The following DLG2 variants were observed in gnomAD, a reference collection of about 807,000 sequenced individuals.
DLG2 encodes disks large homolog 2.
A neutral mutation model predicts 132.5 loss-of-function variants in DLG2; 45 were observed. That is an observed-to-expected ratio of 0.34 (90% CI 0.27 to 0.44). DLG2 has a LOEUF of 0.44. Among genes scored for constraint, DLG2 ranks in the 20% least tolerant of loss-of-function variants. The probability of loss-of-function intolerance (pLI) is 1.00; values close to 1 mark genes in which losing one functional copy is unlikely to be tolerated. For missense variants in DLG2, 1,045 were observed against 1,196.9 expected (o/e 0.87, Z 1.87); for synonymous variants, 424 against 419.6 (o/e 1.01, Z -0.13).
intron 3 of DLG2, among the ~76,000 whole-genome samples, chr11:85,356,080 A>T (rs1017856770): frequency 6.6e-6 from 1 of 152,188 alleles, no homozygotes; most frequent in Non-Finnish European, 1.5e-5. Context: ...CTATCCATTT[A>T]ATCAGATTAA....
intron 6 of DLG2, among the ~76,000 whole-genome samples, chr11:84,976,430 T>C (rs916149245): frequency 2.6e-5 from 4 of 152,170 alleles, no homozygotes; most frequent in Admixed American, 6.6e-5. Context: ...GTACTTGTGA[T>C]AATAAATCAT....
intron 16 of DLG2, among the ~76,000 whole-genome samples, chr11:83,857,893 G>C (rs1374596552): frequency 1.3e-5 from 2 of 151,190 alleles, no homozygotes; most frequent in Non-Finnish European, 2.9e-5. Context: ...ATGAATACAA[G>C]TTCTCTTTGC....
rs1408811276 is a variant in DLG2, at chr11:85,050,061, G to C, written c.357+61600C>G. ...CTTTCCAATTGTCAGAACCCACAATGCTTACATTCTGAAGGAACTCCAACC... is the reference window on the plus strand; with the variant it reads ...CTTTCCAATTGTCAGAACCCACAATCCTTACATTCTGAAGGAACTCCAACC... On this transcript the variant is annotated intron_variant, in intron 6 of 27. Transcript: ENST00000376104. Among the ~76,000 whole-genome samples, 4 of 149,676 alleles carry C rather than the reference G, an allele frequency of 2.7e-5. No individual in the cohort carries two copies. In the Admixed American group the frequency reaches 2.7e-4, roughly 10 times the overall value.
chr11:85,313,764 TG>T (rs1236914907), intron 3 of DLG2, among the ~76,000 whole-genome samples: 7 of 151,976 alleles, frequency 4.6e-5, no homozygotes, highest in Admixed American at 2.0e-4. Context: ...TAAAAGTTTA[TG>T]TATCTCTCTT....
At chr11:84,579,050 T>C (rs1176032652) in intron 6 of DLG2, among the ~76,000 whole-genome samples, 2 of 152,178 alleles carry the variant, frequency 1.3e-5, no homozygotes, top group Non-Finnish European at 2.9e-5. Context: ...AAGAAGTGCC[T>C]TTTGCCTCCC....
At chr11:85,486,660 C>T (rs1009216760) in intron 3 of DLG2, among the ~76,000 whole-genome samples, 5 of 152,064 alleles carry the variant, frequency 3.3e-5, no homozygotes, top group African/African-American at 1.2e-4. Flanking sequence ...GACTGGAATG[C>T]CCACCCATAG....
chr11:85,296,569 C>T (rs926479623), intron 3 of DLG2, among the ~76,000 whole-genome samples: 8 of 149,032 alleles, frequency 5.4e-5, no homozygotes, highest in Admixed American at 2.0e-4. Flanking sequence ...TCATAAATAC[C>T]AAAAGCTTAG....
intron 17 of DLG2, 125 bp from the exon 18 acceptor site, chr11:83,786,917 C>G (rs1005648615): frequency 3.0e-6 from 2 of 676,188 alleles, no homozygotes; most frequent in Non-Finnish European, 5.1e-6. Flanking sequence ...CCCTCATATC[C>G]TACTCAGGTG....
At chr11:84,627,801 A>G (rs1319567282) in intron 6 of DLG2, among the ~76,000 whole-genome samples, 1 of 152,158 alleles carries the variant, frequency 6.6e-6, no homozygotes, top group Non-Finnish European at 1.5e-5. Flanking sequence ...GGTACTTCAC[A>G]TGGTGAAAAT....
At chr11:83,462,228 ACTC>A (rs2090161499) in intron 26 of DLG2, 135 bp from the exon 27 acceptor site, 2 of 614,480 alleles carry the variant, frequency 3.3e-6, no homozygotes, top group Non-Finnish European at 5.8e-6. Context: ...TTCATTCAGG[ACTC>A]CTCTGTGCTG....
intron 3 of DLG2, among the ~76,000 whole-genome samples, chr11:85,376,748 A>G (rs2085434394): frequency 6.6e-6 from 1 of 152,156 alleles, no homozygotes; most frequent in Non-Finnish European, 1.5e-5. Context: ...TAAGAAACCA[A>G]CCATTAGAAA....
chr11:84,839,730 G>A (rs760060093), intron 6 of DLG2, among the ~76,000 whole-genome samples: 99 of 152,052 alleles, frequency 6.5e-4, no homozygotes, highest in Non-Finnish European at 1.1e-3. Context: ...ACAAAAACAC[G>A]AAATGGGGAA....
chr11:84,835,101 G>A (rs2079568854), intron 6 of DLG2, among the ~76,000 whole-genome samples: 1 of 151,580 alleles, frequency 6.6e-6, no homozygotes, highest in South Asian at 2.1e-4. Flanking sequence ...AGCAAAAACA[G>A]AAACACTGAA....
chr11:83,646,366 A>G (rs918143322), intron 18 of DLG2, among the ~76,000 whole-genome samples: 1 of 151,994 alleles, frequency 6.6e-6, no homozygotes, highest in Non-Finnish European at 1.5e-5. Context: ...ACAGAGAGAG[A>G]GAGAGAGAGA....
intron 21 of DLG2, among the ~76,000 whole-genome samples, chr11:83,514,462 A>G (rs1392661126): frequency 6.6e-6 from 1 of 152,230 alleles, no homozygotes; most frequent in African/African-American, 2.4e-5. Context: ...ATATACAATC[A>G]TGTCATCTGC....
chr11:83,764,617 A>G (rs1398121284), intron 18 of DLG2, among the ~76,000 whole-genome samples: 1 of 152,168 alleles, frequency 6.6e-6, no homozygotes, highest in Non-Finnish European at 1.5e-5. Context: ...TTAATCTTCA[A>G]AATTATCTTA....
In DLG2 at chr11:84,115,578, T is replaced by C. The variant is rs1037344102; in HGVS notation, c.625-16531A>G. 2.6e-5 allele frequency among the ~76,000 whole-genome samples: 4 copies of C among 152,298 alleles called. No individual in the cohort carries two copies. In the East Asian group the frequency reaches 7.7e-4, roughly 29 times the overall value. On this transcript the variant is annotated intron_variant, in intron 9 of 27. Coordinates refer to ENST00000376104, the MANE Select transcript of DLG2 (RefSeq NM_001142699.3). ...CCCTTACTAGACTGCAATTATCATGTCCCCTTTTATGGTCCTCCAACATTT... is the reference window on the plus strand; with the variant it reads ...CCCTTACTAGACTGCAATTATCATGCCCCCTTTTATGGTCCTCCAACATTT...
At chr11:83,643,673 C>T (rs1267172537) in intron 18 of DLG2, 4 of 152,110 alleles carry the variant, frequency 2.6e-5, no homozygotes, top group Admixed American at 2.6e-4. Flanking sequence ...CTTGCTTCTT[C>T]AGCAGCAGCA....
At chr11:85,383,674 A>G (rs756629032) in intron 3 of DLG2, among the ~76,000 whole-genome samples, 4 of 152,222 alleles carry the variant, frequency 2.6e-5, no homozygotes, top group Non-Finnish European at 5.9e-5. Context: ...CAAATAAAAT[A>G]CAGCCTTTAA....
Sources: gnomAD v4.1 joint callset for allele counts (sites outside exome capture counted in the v4.1 genomes callset) on GRCh38, gnomAD v4.1.1 for gene constraint, MANE v1.5 for transcripts, NCBI Gene and HGNC (gene_info 2026-07-23, HGNC 2026-07-21) for gene names.